The following JMY variants were observed in gnomAD, a reference collection of about 807,000 sequenced individuals.
The protein encoded by JMY is junction-mediating and -regulatory protein.
Under a neutral mutation model 103.3 loss-of-function variants are expected in JMY, and 46 were observed. The observed-to-expected ratio is 0.45, with a 90% CI of 0.35 to 0.57. JMY has a LOEUF of 0.57. JMY is among the 20% of genes least tolerant of loss of function. JMY has a pLI of 0.00. For missense variants in JMY, 1,238 were observed against 1,255.2 expected, an observed-to-expected ratio of 0.99 and a Z score of 0.21; for synonymous variants, 526 against 489.3, an observed-to-expected ratio of 1.07 and a Z score of -0.99.
In JMY at chr5:79,277,966, G is replaced by A. The variant is rs1205992983; in HGVS notation, c.1089G>A (p.Gln363=). 5.0e-6 allele frequency: 8 copies of A among 1,614,082 alleles called. No homozygotes were observed. Among genetic ancestry groups the A allele is most frequent in the Non-Finnish European group, 6.8e-6 (8 of 1,179,964 alleles). The change falls in exon 2 of 11, where the codon CAG becomes CAA. Residue 363 remains glutamine (Q), a synonymous_variant. Transcript: ENST00000396137. Reference sequence around the variant, plus strand: ...TGGTGGAGCTTCTGGACTTGTATCAGATGGAGGATGAAGCCTACAGCAGCC... The same window carrying A: ...TGGTGGAGCTTCTGGACTTGTATCAAATGGAGGATGAAGCCTACAGCAGCC... ...ESMVELLDLY[Q]MEDEAYSSLA... is the part of the protein sequence containing the mutation.
chr5:79,318,804 G>GAGAGA (rs1580377765), intron 10 of JMY, among the ~76,000 whole-genome samples: 23 of 15,642 alleles, frequency 1.5e-3, no homozygotes, highest in African/African-American at 7.3e-3. Flanking sequence ...AGAGAGAGAG[G>GAGAGA]GATGCATATC....
At chr5:79,274,009 T>C (rs1470657932) in intron 1 of JMY, among the ~76,000 whole-genome samples, 1 of 152,052 alleles carries the variant, frequency 6.6e-6, no homozygotes, top group Non-Finnish European at 1.5e-5. Context: ...TTTTGTATTT[T>C]TAGTAGAGAT....
chr5:79,245,336 C>T (rs1243313798), intron 1 of JMY, among the ~76,000 whole-genome samples: 1 of 151,948 alleles, frequency 6.6e-6, no homozygotes, highest in Non-Finnish European at 1.5e-5. Context: ...TAAAATTGGT[C>T]ATGAAGTCAT....
intron 1 of JMY, among the ~76,000 whole-genome samples, chr5:79,272,931 C>T (rs1312139438): frequency 2.0e-5 from 3 of 152,212 alleles, no homozygotes; most frequent in African/African-American, 7.2e-5. Flanking sequence ...CCACTGCACC[C>T]AGCCCATCTT....
chr5:79,319,018 G>A (rs905984216), intron 10 of JMY, among the ~76,000 whole-genome samples: 10 of 152,236 alleles, frequency 6.6e-5, no homozygotes, highest in African/African-American at 2.2e-4. Context: ...TCACATAAAT[G>A]TGTGTTTAGC....
intron 10 of JMY, among the ~76,000 whole-genome samples, chr5:79,319,447 G>A (rs1468515018): frequency 3.3e-5 from 5 of 152,166 alleles, no homozygotes; most frequent in Non-Finnish European, 5.9e-5. Flanking sequence ...CAGTGATGAA[G>A]TAGCTGTGTA....
chr5:79,279,793 G>A (rs1218650647), intron 2 of JMY, among the ~76,000 whole-genome samples: 1 of 152,178 alleles, frequency 6.6e-6, no homozygotes, highest in East Asian at 1.9e-4. Context: ...GGTTAAAACA[G>A]CAACATGGAA....
intron 2 of JMY, among the ~76,000 whole-genome samples, chr5:79,289,845 C>T (rs1033069649): frequency 1.3e-5 from 2 of 151,866 alleles, no homozygotes; most frequent in African/African-American, 4.8e-5. Flanking sequence ...AATTCCTCAT[C>T]GAGACACCTA....
chr5:79,312,531 CTTTTTT>C lies in JMY; in HGVS notation c.2064+44_2064+49del, dbSNP rs35852788. ...AAGTAATGGTCCATTTATTGTTTTT[CTTTTTT>C]TTTTTTTTTTAACAGAGCTACATAT... On this transcript the variant is annotated intron_variant, in intron 8 of 10. Coordinates refer to ENST00000396137, the MANE Select transcript of JMY (RefSeq NM_152405.5). The C allele has an allele frequency of 8.9e-3, 7,606 of 857,476 alleles. 48 individuals are homozygous for C. The highest frequency in any genetic ancestry group is 9.8e-3 in the Non-Finnish European group (5,792 of 592,664). The allele number at this position is 857,476 out of a possible 1,614,324, so 53.1% of individuals were successfully genotyped here. A position where few individuals can be genotyped will look rare whatever the true frequency, so the allele number is the denominator to read the frequency against.
rs1401258210 is a variant in JMY at position 79,299,623 on chromosome 5, C to T, written c.1528-530C>T. 2.0e-5 allele frequency among the ~76,000 whole-genome samples: 3 copies of T among 152,200 alleles called. No homozygotes were observed. In the East Asian group the frequency reaches 5.8e-4, roughly 29 times the overall value. The stretch of plus-strand genomic sequence containing the variant: ...CCTTACGGATTGCAAGGATTTCCAT[C>T]TAAAGCAATTGTCTTCTGCTGTTCC... On this transcript the variant is annotated intron_variant, in intron 4 of 10. Transcript: ENST00000396137.
At chr5:79,239,809 CAAAAAAAAAAAAGAAAA>C (rs1217948644) in intron 1 of JMY, among the ~76,000 whole-genome samples, 3 of 110,184 alleles carry the variant, frequency 2.7e-5, no homozygotes, top group African/African-American at 9.8e-5. Flanking sequence ...GACTCCGTCT[CAAAAAAAAAAAAGAAAA>C]GAAAAAGAAA....
Position 79,314,349 on chromosome 5 carries a change from T to C in JMY, c.2157T>C (p.Asp719=), listed in dbSNP as rs367795611. Residue 719 remains aspartate (D), a synonymous_variant, in exon 9 of 11, where the codon GAT becomes GAC. Transcript: ENST00000396137. The part of the protein sequence containing the change: ...KGAASPVLQE[D]HCDSLPSVLQ... Reference sequence around the variant, plus strand: ...CAGCAAGTCCTGTTCTCCAAGAGGATCATTGTGACTCTTTACCAAGTGTGT... The same window carrying C: ...CAGCAAGTCCTGTTCTCCAAGAGGACCATTGTGACTCTTTACCAAGTGTGT... 1 of 1,614,112 alleles carries C rather than the reference T, an allele frequency of 6.2e-7. No individual in the cohort carries two copies. The highest frequency in any genetic ancestry group is 8.5e-7 in the Non-Finnish European group (1 of 1,180,020).
At chr5:79,284,304 T>C (rs1490331506) in intron 2 of JMY, 13 of 1,452,624 alleles carry the variant, frequency 8.9e-6, no homozygotes, top group Non-Finnish European at 1.1e-5. Flanking sequence ...GAAGACATCA[T>C]GGAGAGGATA....
chr5:79,314,168 C>A (rs745520690), intron 8 of JMY, 89 bp from the exon 9 acceptor site: 1 of 1,517,316 alleles, frequency 6.6e-7, no homozygotes, highest in Non-Finnish European at 8.8e-7. Flanking sequence ...CACATAACAT[C>A]TTTTATTTGA....
chr5:79,243,421 T>G (rs13164297), intron 1 of JMY, among the ~76,000 whole-genome samples: 238 of 152,284 alleles, frequency 1.6e-3, no homozygotes, highest in South Asian at 3.3e-3. Context: ...AAATAAATGG[T>G]GGAAGCAGGC....
In JMY at chr5:79,325,844, G is replaced by A. The variant is rs1017649414; in HGVS notation, c.*4242G>A. ...CCTAAACTATGTTATGTAAGCAAAGGGTTTGGAAAGGCGGGAGGGAGTCTA... is the reference window on the plus strand; with the variant it reads ...CCTAAACTATGTTATGTAAGCAAAGAGTTTGGAAAGGCGGGAGGGAGTCTA... On this transcript the variant is annotated 3_prime_UTR_variant, in exon 11 of 11. Transcript: ENST00000396137. The A allele has an allele frequency of 2.6e-5, 4 of 152,154 alleles. No individual in the cohort carries two copies. Among genetic ancestry groups the A allele is most frequent in the Non-Finnish European group, 5.9e-5 (4 of 68,002 alleles). The allele number at this position is 152,154 out of a possible 1,614,324, so 9.4% of individuals were successfully genotyped here. A position where few individuals can be genotyped will look rare whatever the true frequency, so the allele number is the denominator to read the frequency against.
intron 7 of JMY, 30 bp from the exon 8 acceptor site, chr5:79,312,373 A>C (rs775635751): frequency 7.6e-7 from 1 of 1,321,812 alleles, no homozygotes; most frequent in Non-Finnish European, 1.1e-6. Context: ...GGGACACAGC[A>C]TAATGGAATT....
chr5:79,284,449 G>A, intron 2 of JMY: 4 of 1,564,992 alleles, frequency 2.6e-6, no homozygotes, highest in South Asian at 2.2e-5. Flanking sequence ...GGACCCGTTG[G>A]TGCTGGGCAT....
chr5:79,247,341 C>T (rs755709013), intron 1 of JMY, among the ~76,000 whole-genome samples: 1 of 152,220 alleles, frequency 6.6e-6, no homozygotes, highest in Non-Finnish European at 1.5e-5. Context: ...CTCACTCTGT[C>T]ACCCAGGCTG....
Sources: allele counts gnomAD v4.1 joint callset (sites outside exome capture counted in the v4.1 genomes callset), GRCh38; gene constraint gnomAD v4.1.1; transcripts MANE v1.5; gene names NCBI Gene and HGNC (gene_info 2026-07-23, HGNC 2026-07-21).